Variants in RAPGEF2 observed in about 807,000 individuals in gnomAD.
The protein encoded by RAPGEF2 is Rap guanine nucleotide exchange factor 2.
Under a neutral mutation model 186.7 loss-of-function variants are expected in RAPGEF2, and 54 were observed. That is an observed-to-expected ratio of 0.29 (90% CI 0.23 to 0.36). The LOEUF is 0.36. Among genes scored for constraint, RAPGEF2 ranks in the 10% least tolerant of loss-of-function variants. The pLI is 1.00. For synonymous variants in RAPGEF2, 712 were observed against 705.9 expected, an observed-to-expected ratio of 1.01 and a Z score of -0.14; for missense variants, 1,532 against 2,045.0, an observed-to-expected ratio of 0.75 and a Z score of 4.84.
At chr4:159,311,578 C>T (rs1454516619) in intron 8 of RAPGEF2, among the ~76,000 whole-genome samples, 2 of 152,010 alleles carry the variant, frequency 1.3e-5, no homozygotes, top group Non-Finnish European at 2.9e-5. Flanking sequence ...CAGTTTACAT[C>T]GATGATAAGA....
chr4:159,261,011 T>C (rs1437483934), intron 7 of RAPGEF2, among the ~76,000 whole-genome samples: 1 of 152,056 alleles, frequency 6.6e-6, no homozygotes, highest in Admixed American at 6.6e-5. Flanking sequence ...CGCCTTGGCC[T>C]CCCAAAGTGT....
In RAPGEF2 at chr4:159,178,425, G is replaced by A. The variant is rs1317723085; in HGVS notation, c.70-8217G>A. Reference sequence around the variant, plus strand: ...AAACAAATGAAACTAAAAGCTAGTTGTAAGTGAATTGTAAGTTTGCTATGA... The same window carrying A: ...AAACAAATGAAACTAAAAGCTAGTTATAAGTGAATTGTAAGTTTGCTATGA... On this transcript the variant is annotated intron_variant, in intron 1 of 29. Coordinates refer to ENST00000691494, the MANE Select transcript of RAPGEF2 (RefSeq NM_001394067.2). Among the ~76,000 whole-genome samples the A allele has an allele frequency of 1.3e-5, 2 of 151,972 alleles. 1 individual carries two copies. The highest frequency in any genetic ancestry group is 3.9e-4 in the East Asian group (2 of 5,178).
intron 7 of RAPGEF2, among the ~76,000 whole-genome samples, chr4:159,283,090 T>C (rs1207762215): frequency 1.3e-5 from 2 of 152,196 alleles, no homozygotes; most frequent in Non-Finnish European, 2.9e-5. Flanking sequence ...TCCTCACCCT[T>C]TTCAAAATAC....
chr4:159,344,144 C>G (rs1729943442), intron 23 of RAPGEF2, 85 bp downstream of exon 23: 1 of 1,444,172 alleles, frequency 6.9e-7, no homozygotes, highest in Non-Finnish European at 9.7e-7. Context: ...TTTTCTGATG[C>G]TTTGCATTTT....
chr4:159,113,156 A>T (rs968760382), intron 1 of RAPGEF2, among the ~76,000 whole-genome samples: 1 of 152,224 alleles, frequency 6.6e-6, no homozygotes, highest in African/African-American at 2.4e-5. Context: ...AACTAAGGAC[A>T]TGTGATAACC....
At chr4:159,343,606 A>C (rs949184447) in intron 22 of RAPGEF2, among the ~76,000 whole-genome samples, 23 of 152,216 alleles carry the variant, frequency 1.5e-4, no homozygotes, top group Non-Finnish European at 2.8e-4. Context: ...GGCTGTCAGT[A>C]AAAACAGTTT....
intron 6 of RAPGEF2, 38 bp downstream of exon 6, chr4:159,241,406 GT>G: frequency 1.6e-6 from 2 of 1,246,482 alleles, no homozygotes; most frequent in Non-Finnish European, 2.0e-6. Flanking sequence ...TTTATTTCTA[GT>G]TTTTTGTTGG....
chr4:159,263,911 G>A (rs1187087739), intron 7 of RAPGEF2, among the ~76,000 whole-genome samples: 1 of 151,934 alleles, frequency 6.6e-6, no homozygotes, highest in African/African-American at 2.4e-5. Flanking sequence ...CATTTTTTTG[G>A]AGTGTTGTTA....
intron 1 of RAPGEF2, among the ~76,000 whole-genome samples, chr4:159,117,059 CTTATAG>C (rs989984795): frequency 7.9e-5 from 12 of 152,222 alleles, no homozygotes; most frequent in South Asian, 4.1e-4. Flanking sequence ...TAAGTTGTAT[CTTATAG>C]TTATTGTATT....
rs150704406 is a variant in RAPGEF2 at position 159,139,863 on chromosome 4, G to T, written c.69+35632G>T. On this transcript the variant is annotated intron_variant, in intron 1 of 29. Coordinates refer to ENST00000691494, the MANE Select transcript of RAPGEF2 (RefSeq NM_001394067.2). ...AAAAGTAGATTCCTTCAGGTTTTTA[G>T]TTTTGTCCTATTAGGGGTGGAGTCA... Among the ~76,000 whole-genome samples the T allele has an allele frequency of 4.8e-3, 735 of 152,268 alleles. 7 individuals are homozygous for T. Among genetic ancestry groups the T allele is most frequent in the African/African-American group, 0.016 (673 of 41,564 alleles).
At position 159,341,956 on chromosome 4, in the gene RAPGEF2, G is replaced by A. The variant is rs1190706133; in HGVS notation, c.2918+9G>A. On this transcript the variant is annotated intron_variant, in intron 20 of 29. Transcript: ENST00000691494. ...ATGTTTGCAATCATCAGGTAAGAGA[G>A]CACATTTTTTCTTAAGATTCAGTTC... The A allele has an allele frequency of 1.9e-6, 3 of 1,562,396 alleles. No individual in the cohort carries two copies. Among genetic ancestry groups the A allele is most frequent in the Non-Finnish European group, 2.6e-6 (3 of 1,158,770 alleles).
intron 19 of RAPGEF2, among the ~76,000 whole-genome samples, chr4:159,340,814 C>T (rs1052028692): frequency 4.0e-5 from 6 of 148,902 alleles, no homozygotes; most frequent in Non-Finnish European, 7.4e-5. Flanking sequence ...CACACACACA[C>T]GTGTGCGTGC....
intron 1 of RAPGEF2, among the ~76,000 whole-genome samples, chr4:159,105,610 T>C (rs774185941): frequency 2.6e-5 from 4 of 152,222 alleles, no homozygotes; most frequent in Non-Finnish European, 5.9e-5. Context: ...ACTATTTTTA[T>C]CCCAACAAGG....
chr4:159,211,000 T>C (rs184381082), intron 4 of RAPGEF2, among the ~76,000 whole-genome samples: 1 of 152,330 alleles, frequency 6.6e-6, no homozygotes, highest in East Asian at 1.9e-4. Flanking sequence ...GCCAGGGACT[T>C]TCATTGACAT....
At chr4:159,131,468 A>G (rs1004201486) in intron 1 of RAPGEF2, among the ~76,000 whole-genome samples, 14 of 136,256 alleles carry the variant, frequency 1.0e-4, no homozygotes, top group Admixed American at 6.0e-4. Flanking sequence ...AGCAGATACT[A>G]TGTTAAAGAC....
intron 4 of RAPGEF2, among the ~76,000 whole-genome samples, chr4:159,227,486 G>GA (rs1305367061): frequency 2.0e-5 from 3 of 152,222 alleles, no homozygotes; most frequent in Non-Finnish European, 4.4e-5. Flanking sequence ...ATGCTGAAAA[G>GA]AAAAGCTGTT....
chr4:159,129,826 G>T (rs1287086604), intron 1 of RAPGEF2, among the ~76,000 whole-genome samples: 1 of 152,150 alleles, frequency 6.6e-6, no homozygotes, highest in African/African-American at 2.4e-5. Context: ...GAAAGAATTT[G>T]GGGTGAGTTC....
intron 1 of RAPGEF2, among the ~76,000 whole-genome samples, chr4:159,178,239 G>A (rs568966579): frequency 6.6e-6 from 1 of 151,990 alleles, no homozygotes; most frequent in African/African-American, 2.4e-5. Flanking sequence ...TTTTTGTTGT[G>A]TACAAGCAGC....
At chr4:159,138,904 G>A (rs186154111) in intron 1 of RAPGEF2, among the ~76,000 whole-genome samples, 1 of 152,176 alleles carries the variant, frequency 6.6e-6, no homozygotes. Flanking sequence ...TAACTACCAC[G>A]TGAAGGAAAT....
Sources: allele counts gnomAD v4.1 joint callset (sites outside exome capture counted in the v4.1 genomes callset), GRCh38; gene constraint gnomAD v4.1.1; transcripts MANE v1.5; gene names NCBI Gene and HGNC (gene_info 2026-07-23, HGNC 2026-07-21).